The following FNIP1 variants were observed in gnomAD, a reference collection of about 807,000 sequenced individuals.
FNIP1 encodes the protein folliculin-interacting protein 1.
A neutral mutation model predicts 124.5 loss-of-function variants in FNIP1; 40 were observed. The observed-to-expected ratio is 0.32, with a 90% confidence interval of 0.25 to 0.42. FNIP1 has a LOEUF of 0.42. Among genes scored for constraint, FNIP1 ranks in the 10% least tolerant of loss-of-function variants. FNIP1 has a pLI of 1.00. For missense variants in FNIP1, 1,176 were observed against 1,403.7 expected, an observed-to-expected ratio of 0.84 and a Z score of 2.59; for synonymous variants, 472 against 470.6, an observed-to-expected ratio of 1.00 and a Z score of -0.04.
chr5:131,671,802 T>C lies in FNIP1; in HGVS notation c.2642A>G (p.Asn881Ser). The change falls in exon 14 of 18, where the codon AAC (asparagine) becomes AGC (serine). Residue 881 changes from asparagine to serine, a missense_variant. By Grantham distance (46) the Asn-to-Ser change is conservative. Transcript: ENST00000510461. ...KILCTKNNKQ[N>S]NEFCKCIETV... ...TTCTATACATTTACAAAATTCATTG[T>C]TCTGCTTGTTATTTTTTGTACACAA... 1.2e-6 allele frequency: 2 copies of C among 1,614,072 alleles called. No individual in the cohort carries two copies. The highest frequency in any genetic ancestry group is 1.7e-6 in the Non-Finnish European group (2 of 1,180,010).
At chr5:131,671,444 TA>T (rs1561646149) in intron 14 of FNIP1, 60 bp downstream of exon 14, 1 of 1,326,866 alleles carries the variant, frequency 7.5e-7, no homozygotes, top group Non-Finnish European at 1.0e-6. Flanking sequence ...AGAGAACAGC[TA>T]AAAAAGAGAA....
chr5:131,655,692 C>T (rs1195620946), intron 15 of FNIP1, among the ~76,000 whole-genome samples: 1 of 151,164 alleles, frequency 6.6e-6, no homozygotes, highest in Non-Finnish European at 1.5e-5. Flanking sequence ...CAGTTAAAAA[C>T]TAATCTCTTT....
chr5:131,646,427 G>A (rs1179588112), intron 17 of FNIP1, among the ~76,000 whole-genome samples: 1 of 152,126 alleles, frequency 6.6e-6, no homozygotes, highest in Non-Finnish European at 1.5e-5. Flanking sequence ...CAGTGATATT[G>A]GTTTCTTTTC....
intron 1 of FNIP1, among the ~76,000 whole-genome samples, chr5:131,745,138 TTA>T (rs1770632274): frequency 1.3e-5 from 2 of 151,848 alleles, no homozygotes; most frequent in African/African-American, 4.8e-5. Flanking sequence ...AGCAAAGGAC[TTA>T]CAAGACAAAA....
chr5:131,729,333 C>T (rs1769996067), intron 3 of FNIP1, among the ~76,000 whole-genome samples: 1 of 152,220 alleles, frequency 6.6e-6, no homozygotes, highest in Non-Finnish European at 1.5e-5. Context: ...GGAGTTTTAT[C>T]TATAAGCCCC....
In FNIP1 at chr5:131,710,668, G is replaced by A; in HGVS notation, c.623-7C>T. On this transcript the variant is annotated splice_polypyrimidine_tract_variant and splice_region_variant and intron_variant, in intron 6 of 17. Coordinates refer to ENST00000510461, the MANE Select transcript of FNIP1 (RefSeq NM_133372.3). The stretch of plus-strand genomic sequence containing the variant: ...CTGCAGAACTGTGAAAGACCTACAT[G>A]GCAAAAACGTAAAATACACATGAAA... 1 of 1,612,540 alleles carries A rather than the reference G, an allele frequency of 6.2e-7. No individual in the cohort carries two copies. The highest frequency in any genetic ancestry group is 1.1e-5 in the South Asian group (1 of 90,802).
At chr5:131,676,558 G>C (rs1767918545) in intron 13 of FNIP1, among the ~76,000 whole-genome samples, 1 of 152,066 alleles carries the variant, frequency 6.6e-6, no homozygotes. Flanking sequence ...GGGAGTTTGA[G>C]ACCAGCCTGG....
intron 1 of FNIP1, among the ~76,000 whole-genome samples, chr5:131,787,441 G>A (rs1453800999): frequency 1.3e-5 from 2 of 152,170 alleles, no homozygotes; most frequent in Non-Finnish European, 2.9e-5. Context: ...CCGCAGTACT[G>A]GGGCATGGAT....
intron 1 of FNIP1, among the ~76,000 whole-genome samples, chr5:131,764,756 T>C (rs867112645): frequency 2.6e-5 from 4 of 152,188 alleles, no homozygotes; most frequent in African/African-American, 9.7e-5. Flanking sequence ...TTACTGTTTA[T>C]AGATAGTACT....
intron 15 of FNIP1, among the ~76,000 whole-genome samples, chr5:131,654,836 A>G (rs1045009071): frequency 6.6e-6 from 1 of 152,250 alleles, no homozygotes; most frequent in Non-Finnish European, 1.5e-5. Context: ...AGAAATAAGA[A>G]GAGAATGGCA....
At chr5:131,786,001 G>T (rs2149587630) in intron 1 of FNIP1, among the ~76,000 whole-genome samples, 1 of 151,774 alleles carries the variant, frequency 6.6e-6, no homozygotes, top group African/African-American at 2.4e-5. Flanking sequence ...AACTTATTCT[G>T]GAAACTTATT....
intron 1 of FNIP1, among the ~76,000 whole-genome samples, chr5:131,758,718 A>G (rs1412256675): frequency 6.6e-6 from 1 of 152,184 alleles, no homozygotes; most frequent in Non-Finnish European, 1.5e-5. Context: ...AATAGAAAAT[A>G]AACATGCTGG....
chr5:131,793,964 C>T (rs191790251), intron 1 of FNIP1, among the ~76,000 whole-genome samples: 22 of 152,034 alleles, frequency 1.4e-4, no homozygotes, highest in East Asian at 7.7e-4. Flanking sequence ...ATATGATCTT[C>T]GGGAAATGCA....
chr5:131,785,047 G>A (rs1343959833), intron 1 of FNIP1, among the ~76,000 whole-genome samples: 2 of 34,172 alleles, frequency 5.9e-5, no homozygotes, highest in Non-Finnish European at 1.2e-4. Flanking sequence ...TGATATATAT[G>A]ACTATATATA....
At chr5:131,693,781 A>C (rs1404977087) in intron 11 of FNIP1, among the ~76,000 whole-genome samples, 3 of 152,132 alleles carry the variant, frequency 2.0e-5, no homozygotes, top group Non-Finnish European at 4.4e-5. Flanking sequence ...TTATAAGAAG[A>C]AGCCACAAAC....
chr5:131,672,239 A>T lies in FNIP1; in HGVS notation c.2205T>A (p.Asp735Glu), dbSNP rs1297061959. The part of the protein sequence containing the change: ...TGMVVEKKPP[D>E]KIVPASFSCE... ...AAGAAAATGAAGCAGGCACAATCTTATCTGGAGGTTTTTTTTCCACAACCA... is the reference window on the plus strand; with the variant it reads ...AAGAAAATGAAGCAGGCACAATCTTTTCTGGAGGTTTTTTTTCCACAACCA... Residue 735 changes from aspartate (D) to glutamate (E), a missense_variant, in exon 14 of 18, where the codon GAT becomes GAA. By Grantham distance (45) the Asp-to-Glu change is conservative (BLOSUM62 2). This residue lies in a region of FNIP1 where 1,109 missense variants were observed against 1,288.5 expected (regional missense o/e 0.86). Coordinates refer to ENST00000510461, the MANE Select transcript of FNIP1 (RefSeq NM_133372.3). 1 of 1,614,062 alleles carries T rather than the reference A, an allele frequency of 6.2e-7. No homozygotes were observed. Among genetic ancestry groups the T allele is most frequent in the Non-Finnish European group, 8.5e-7 (1 of 1,180,030 alleles).
chr5:131,703,830 ACCACAT>A (rs1336799608), intron 10 of FNIP1, among the ~76,000 whole-genome samples: 8 of 152,162 alleles, frequency 5.3e-5, no homozygotes, highest in African/African-American at 1.9e-4. Context: ...AACGGTGTCT[ACCACAT>A]TTTAGTCCCT....
At position 131,672,837 on chromosome 5, in the gene FNIP1, A is replaced by T; in HGVS notation, c.1607T>A (p.Leu536His). The change falls in exon 14 of 18, where the codon CTT becomes CAT. Residue 536 changes from leucine to histidine, a missense_variant. Around this residue, in one of 2 missense-constraint regions of FNIP1, gnomAD observed 1,109 missense variants for 1,288.5 expected, o/e 0.86. Coordinates refer to ENST00000510461, the MANE Select transcript of FNIP1 (RefSeq NM_133372.3). ...TCTTATAAAATAAGTAAGAAAATAA[A>T]GTAGCCTCTGGACCATGTCTTGTCG... Reference protein sequence around the residue: ...GKRQDMVQRLLYFLTYFIRCS... With the variant: ...GKRQDMVQRLHYFLTYFIRCS... The T allele has an allele frequency of 6.2e-7, 1 of 1,613,160 alleles. No homozygotes were observed. The highest frequency in any genetic ancestry group is 8.5e-7 in the Non-Finnish European group (1 of 1,179,684).
At chr5:131,684,111 C>T (rs1306945109) in intron 11 of FNIP1, among the ~76,000 whole-genome samples, 1 of 152,146 alleles carries the variant, frequency 6.6e-6, no homozygotes, top group Non-Finnish European at 1.5e-5. Context: ...CCATTTTTAA[C>T]AGCAAAGTCA....
Sources: allele counts gnomAD v4.1 joint callset (sites outside exome capture counted in the v4.1 genomes callset), GRCh38; gene constraint gnomAD v4.1.1; regional missense constraint gnomAD v4.1.1; transcripts MANE v1.5; gene names NCBI Gene and HGNC (gene_info 2026-07-23, HGNC 2026-07-21).